The following ZNF107 variants were observed in gnomAD, a reference collection of about 807,000 sequenced individuals.
The protein encoded by ZNF107 is C2H2 type zinc-finger protein.
A neutral mutation model predicts 12.3 loss-of-function variants in ZNF107; 19 were observed. The ratio of observed to expected loss-of-function variants is 1.55; its 90% CI spans 1.08 to 2.27. The LOEUF (loss-of-function observed/expected upper bound fraction) is 2.27, where lower values mean the gene tolerates loss of function less well. Among genes scored for constraint, ZNF107 ranks in the 30% most tolerant of loss-of-function variants. The probability of loss-of-function intolerance (pLI) is 0.00; values close to 1 mark genes in which losing one functional copy is unlikely to be tolerated. For synonymous variants in ZNF107, 317 were observed against 330.5 expected (o/e 0.96, Z 0.44); for missense variants, 958 against 979.9 (o/e 0.98, Z 0.30).
intron 1 of ZNF107, among the ~76,000 whole-genome samples, chr7:64,671,419 A>G (rs1463150308): frequency 2.0e-5 from 3 of 152,172 alleles, no homozygotes; most frequent in Non-Finnish European, 4.4e-5. Context: ...CAAAGTGTCT[A>G]CAAGTCTCCT....
At chr7:64,697,718 T>G (rs1420204717) in intron 3 of ZNF107, among the ~76,000 whole-genome samples, 7 of 149,140 alleles carry the variant, frequency 4.7e-5, no homozygotes, top group Non-Finnish European at 1.0e-4. Context: ...TGAGACGGAG[T>G]CTCGCTTTGT....
intron 3 of ZNF107, among the ~76,000 whole-genome samples, chr7:64,705,967 TTAAAA>T (rs1790626038): frequency 6.7e-6 from 1 of 149,968 alleles, no homozygotes; most frequent in African/African-American, 2.4e-5. Flanking sequence ...TTTCTTGTCT[TTAAAA>T]AAAAAAACAC....
chr7:64,681,652 A>G (rs62460669), intron 1 of ZNF107, among the ~76,000 whole-genome samples: 8,010 of 151,916 alleles, frequency 0.053, 286 homozygotes, highest in East Asian at 0.15. Context: ...ACCCTGCCCA[A>G]TGCCAGTATC....
chr7:64,707,774 T>A lies in ZNF107; in HGVS notation c.1677T>A (p.His559Gln). Reference sequence around the variant, plus strand: ...CCCTTACTAAACATAAGAGAATTCATACTGGAGAAAAACCCTATAAATGTG... The same window carrying A: ...CCCTTACTAAACATAAGAGAATTCAAACTGGAGAAAAACCCTATAAATGTG... ...FSTLTKHKRI[H>Q]TGEKPYKCEE... The change falls in exon 4 of 4, where the codon CAT becomes CAA. Residue 559 changes from histidine (H) to glutamine (Q), a missense_variant. By Grantham distance (24) the His-to-Gln change is conservative. Transcript: ENST00000620827. 1 of 1,612,090 alleles carries A rather than the reference T, an allele frequency of 6.2e-7. No homozygotes were observed. The highest frequency in any genetic ancestry group is 1.7e-5 in the Admixed American group (1 of 59,662).
intron 1 of ZNF107, among the ~76,000 whole-genome samples, chr7:64,674,904 A>T (rs1453453728): frequency 6.6e-6 from 1 of 152,202 alleles, no homozygotes; most frequent in Admixed American, 6.6e-5. Flanking sequence ...GATGAATCAC[A>T]TTTATTGATT....
At chr7:64,694,495 C>A (rs1790221088) in intron 3 of ZNF107, among the ~76,000 whole-genome samples, 1 of 142,288 alleles carries the variant, frequency 7.0e-6, no homozygotes, top group African/African-American at 2.6e-5. Flanking sequence ...TATTTATTTT[C>A]TTTTTTCTTT....
chr7:64,667,036 TA>T (rs2128954327), intron 1 of ZNF107, among the ~76,000 whole-genome samples: 2 of 152,286 alleles, frequency 1.3e-5, no homozygotes, highest in South Asian at 4.1e-4. Flanking sequence ...TTAGATTTTT[TA>T]AAAAGTAAAA....
In ZNF107 at chr7:64,709,892, A is replaced by C. The variant is rs74936087; in HGVS notation, c.*1236A>C. On this transcript the variant is annotated 3_prime_UTR_variant, in exon 4 of 4. Transcript: ENST00000620827. ...GTAATGCCAGCACTTTGGGAGGCCA[A>C]GGTGGGTGGATCACCTGAGGGCAGG... is the stretch of plus-strand genomic sequence containing the variant. The C allele has an allele frequency of 0.025, 8,841 of 355,188 alleles. 518 individuals carry two copies. The highest frequency in any genetic ancestry group is 0.14 in the African/African-American group (6,252 of 44,874). 22.0% of individuals were successfully genotyped at this position (355,188 alleles called of 1,614,324 possible). A position where few individuals can be genotyped will look rare whatever the true frequency, so the allele number is the denominator to read the frequency against.
chr7:64,681,987 C>G (rs56955205), intron 1 of ZNF107, among the ~76,000 whole-genome samples: 52,760 of 151,832 alleles, frequency 0.35, 9,686 homozygotes, highest in Non-Finnish European at 0.4. Flanking sequence ...TGACACCCAT[C>G]AGTCCCAACA....
At chr7:64,704,592 T>C (rs1790579387) in intron 3 of ZNF107, among the ~76,000 whole-genome samples, 1 of 152,234 alleles carries the variant, frequency 6.6e-6, no homozygotes, top group South Asian at 2.1e-4. Context: ...TTGCATCATG[T>C]TATTTTCAGT....
intron 1 of ZNF107, among the ~76,000 whole-genome samples, chr7:64,676,983 A>C (rs1367647992): frequency 1.3e-5 from 2 of 152,150 alleles, no homozygotes; most frequent in African/African-American, 4.8e-5. Context: ...GTATTTTTCT[A>C]TCCTCTTCTT....
At chr7:64,682,970 A>G (rs773702389) in intron 1 of ZNF107, among the ~76,000 whole-genome samples, 18 of 152,152 alleles carry the variant, frequency 1.2e-4, no homozygotes, top group Non-Finnish European at 2.9e-5. Context: ...CTGTTTTTCC[A>G]GTCCCAAACC....
chr7:64,697,101 A>G (rs376711775), intron 3 of ZNF107, among the ~76,000 whole-genome samples: 1,690 of 152,054 alleles, frequency 0.011, 27 homozygotes, highest in Middle Eastern at 0.051. Flanking sequence ...GTTTGCTGAG[A>G]ATGATGGTTT....
intron 1 of ZNF107, among the ~76,000 whole-genome samples, chr7:64,672,082 G>A (rs976650043): frequency 2.0e-5 from 3 of 151,868 alleles, no homozygotes; most frequent in Admixed American, 6.6e-5. Flanking sequence ...CACCGCGCCC[G>A]GCTGGCGACC....
At position 64,706,652 on chromosome 7, in the gene ZNF107, T is replaced by G. The variant is rs771534642; in HGVS notation, c.555T>G (p.Leu185=). The G allele has an allele frequency of 6.2e-7, 1 of 1,613,510 alleles. No individual in the cohort carries two copies. The highest frequency in any genetic ancestry group is 8.5e-7 in the Non-Finnish European group (1 of 1,179,660). The change falls in exon 4 of 4, where the codon CTT becomes CTG. Residue 185 remains leucine, a synonymous_variant. Coordinates refer to ENST00000620827, the MANE Select transcript of ZNF107 (RefSeq NM_001282359.2). ...AATGTAGCAAATCATTTTGCGTGCT[T>G]TCACAACTAACTCAGCATAGAAGAA... ...CKECSKSFCV[L]SQLTQHRRIH...
chr7:64,681,108 C>G (rs73136783), intron 1 of ZNF107, among the ~76,000 whole-genome samples: 1,526 of 152,300 alleles, frequency 0.01, 16 homozygotes, highest in Middle Eastern at 0.017. Flanking sequence ...CCCACAGCCC[C>G]CTGGCTGACT....
At chr7:64,667,322 CAT>C (rs897178710) in intron 1 of ZNF107, among the ~76,000 whole-genome samples, 1 of 152,156 alleles carries the variant, frequency 6.6e-6, no homozygotes, top group African/African-American at 2.4e-5. Flanking sequence ...TTTAATTAAT[CAT>C]TGTTGACAAA....
intron 1 of ZNF107, chr7:64,690,319 G>T (rs1230708782): frequency 1.0e-6 from 1 of 969,290 alleles, no homozygotes; most frequent in Admixed American, 6.2e-5. Context: ...CACAGTTGAT[G>T]GGTTGAGCAG....
chr7:64,666,366 G>C, intron 1 of ZNF107, 81 bp downstream of exon 1: 1 of 1,558,044 alleles, frequency 6.4e-7, no homozygotes, highest in Non-Finnish European at 8.7e-7. Context: ...GCTGGACTCG[G>C]GCCTCCAAAG....
Sources: allele counts gnomAD v4.1 joint callset (sites outside exome capture counted in the v4.1 genomes callset), GRCh38; gene constraint gnomAD v4.1.1; transcripts MANE v1.5; gene names NCBI Gene and HGNC (gene_info 2026-07-23, HGNC 2026-07-21).